The following FAF1 variants were observed in gnomAD, a reference collection of about 807,000 sequenced individuals.
The protein encoded by FAF1 is Fas associated factor 1, also known as FAS-associated factor 1.
Under a neutral mutation model 92.5 loss-of-function variants are expected in FAF1, and 25 were observed. That is an observed-to-expected ratio of 0.27 (90% CI 0.20 to 0.38). FAF1 has a LOEUF of 0.38. Among genes scored for constraint, FAF1 ranks in the 10% least tolerant of loss-of-function variants. The probability of loss-of-function intolerance (pLI) is 1.00; values close to 1 mark genes in which losing one functional copy is unlikely to be tolerated. For synonymous variants in FAF1, 234 were observed against 273.2 expected (o/e 0.86, Z 1.42); for missense variants, 636 against 793.3 (o/e 0.80, Z 2.38).
intron 17 of FAF1, among the ~76,000 whole-genome samples, chr1:50,485,667 CAA>C (rs999538430): frequency 2.9e-4 from 4 of 13,712 alleles, no homozygotes; most frequent in African/African-American, 7.1e-4. Context: ...GAGACTGTCT[CAA>C]AAAAAAAAAA....
intron 6 of FAF1, among the ~76,000 whole-genome samples, chr1:50,733,311 T>A (rs1659006044): frequency 6.6e-6 from 1 of 152,212 alleles, no homozygotes; most frequent in South Asian, 2.1e-4. Flanking sequence ...GAAATCTAGA[T>A]CCCAGAAATG....
intron 3 of FAF1, among the ~76,000 whole-genome samples, chr1:50,791,480 G>A (rs1661563704): frequency 6.6e-6 from 1 of 152,162 alleles, no homozygotes; most frequent in Non-Finnish European, 1.5e-5. Flanking sequence ...GTTAAAGAGG[G>A]GAGGAGATTA....
intron 8 of FAF1, among the ~76,000 whole-genome samples, chr1:50,611,196 G>A (rs1457015040): frequency 2.0e-5 from 3 of 152,140 alleles, no homozygotes; most frequent in African/African-American, 7.2e-5. Flanking sequence ...ATTCAATAAT[G>A]AAATTTCCAG....
intron 7 of FAF1, among the ~76,000 whole-genome samples, chr1:50,674,078 G>A (rs1213392093): frequency 6.6e-6 from 1 of 151,992 alleles, no homozygotes; most frequent in East Asian, 1.9e-4. Flanking sequence ...AGCCTCCCAA[G>A]TAGCTGGGGT....
At chr1:50,917,675 AAAGGAAAGGAAAGGAAAGG>A (rs1570138100) in intron 1 of FAF1, among the ~76,000 whole-genome samples, 3 of 150,594 alleles carry the variant, frequency 2.0e-5, no homozygotes, top group East Asian at 3.9e-4. Flanking sequence ...AAAGGAAAGG[AAAGGAAAGGAAAGGAAAGG>A]AAAGGAAAAG....
chr1:50,566,501 A>G (rs571354172), intron 13 of FAF1, among the ~76,000 whole-genome samples: 2 of 152,228 alleles, frequency 1.3e-5, no homozygotes, highest in Admixed American at 6.5e-5. Flanking sequence ...ACTTGAAGAT[A>G]CTATGATTAA....
intron 9 of FAF1, among the ~76,000 whole-genome samples, chr1:50,588,674 T>G (rs17106306): frequency 6.6e-6 from 1 of 152,136 alleles, no homozygotes; most frequent in Non-Finnish European, 1.5e-5. Context: ...GTCTGTGACA[T>G]TGGCACCTGT....
At chr1:50,476,036 T>C (rs1646636045) in intron 17 of FAF1, among the ~76,000 whole-genome samples, 1 of 152,130 alleles carries the variant, frequency 6.6e-6, no homozygotes, top group African/African-American at 2.4e-5. Context: ...ATTAAAGCTA[T>C]TAGATGCATT....
chr1:50,946,312 A>G (rs1645172141), intron 1 of FAF1, among the ~76,000 whole-genome samples: 1 of 152,236 alleles, frequency 6.6e-6, no homozygotes, highest in Admixed American at 6.5e-5. Context: ...GGTGAAAAAT[A>G]TCCTCCCCAC....
intron 13 of FAF1, among the ~76,000 whole-genome samples, chr1:50,549,016 T>A (rs1649164510): frequency 6.6e-6 from 1 of 152,196 alleles, no homozygotes; most frequent in South Asian, 2.1e-4. Flanking sequence ...AATTGGTTTT[T>A]CCACCCCCAT....
chr1:50,746,158 T>C (rs1024376570), intron 4 of FAF1, among the ~76,000 whole-genome samples: 3 of 148,816 alleles, frequency 2.0e-5, no homozygotes, highest in Non-Finnish European at 4.4e-5. Context: ...AGGAAGAAAT[T>C]TCTAAGGAAC....
At chr1:50,765,506 G>T (rs1660531154) in intron 4 of FAF1, among the ~76,000 whole-genome samples, 1 of 152,002 alleles carries the variant, frequency 6.6e-6, no homozygotes, top group Non-Finnish European at 1.5e-5. Flanking sequence ...TATTAATATA[G>T]TCCAATTATT....
At chr1:50,882,125 T>C (rs1644617090) in intron 1 of FAF1, among the ~76,000 whole-genome samples, 1 of 152,092 alleles carries the variant, frequency 6.6e-6, no homozygotes, top group Non-Finnish European at 1.5e-5. Flanking sequence ...AAATATATAA[T>C]ACACATAAAA....
intron 7 of FAF1, among the ~76,000 whole-genome samples, chr1:50,701,514 C>T (rs1274536072): frequency 2.0e-5 from 3 of 152,088 alleles, no homozygotes; most frequent in Non-Finnish European, 2.9e-5. Flanking sequence ...TGAAAGACTA[C>T]ATATTTTAAT....
intron 7 of FAF1, among the ~76,000 whole-genome samples, chr1:50,700,628 C>T (rs768261232): frequency 1.7e-4 from 26 of 152,058 alleles, no homozygotes; most frequent in Non-Finnish European, 3.1e-4. Context: ...GATAACTGAA[C>T]GGAATTTCTC....
intron 2 of FAF1, among the ~76,000 whole-genome samples, chr1:50,835,467 A>C (rs531937138): frequency 1.3e-5 from 2 of 150,020 alleles, no homozygotes; most frequent in Non-Finnish European, 3.0e-5. Context: ...ATTTAACAGG[A>C]GGCTGAGGCA....
At chr1:50,477,397 A>G (rs932057415) in intron 17 of FAF1, among the ~76,000 whole-genome samples, 2 of 152,328 alleles carry the variant, frequency 1.3e-5, no homozygotes, top group Middle Eastern at 6.8e-3. Context: ...AAGGGGCTGC[A>G]TTTGTCAAAC....
rs142569050 is a variant in FAF1, at chr1:50,489,526, T to C, written c.1653+1062A>G. ...CTACTGCACCTTAGGCATACCTCTA[T>C]AATAACGTTTACATACAGTATTATA... On this transcript the variant is annotated intron_variant, in intron 17 of 18. Coordinates refer to ENST00000396153, the MANE Select transcript of FAF1 (RefSeq NM_007051.3). Among the ~76,000 whole-genome samples, 9 of 152,360 alleles carry C rather than the reference T, an allele frequency of 5.9e-5. No homozygotes were observed. The East Asian group carries it at 1.2e-3, about 20-fold the overall frequency.
chr1:50,748,375 T>C (rs1027959132), intron 4 of FAF1, among the ~76,000 whole-genome samples: 4 of 151,650 alleles, frequency 2.6e-5, no homozygotes, highest in African/African-American at 7.3e-5. Flanking sequence ...CACATGCCTG[T>C]AATCCCAGCT....
Sources: gnomAD v4.1 joint callset for allele counts (sites outside exome capture counted in the v4.1 genomes callset) on GRCh38, gnomAD v4.1.1 for gene constraint, MANE v1.5 for transcripts, NCBI Gene and HGNC (gene_info 2026-07-23, HGNC 2026-07-21) for gene names.